Variants in CTNNA3 observed in about 807,000 individuals in gnomAD.
CTNNA3 encodes catenin alpha-3.
In CTNNA3, 76 loss-of-function variants were observed where a neutral mutation model predicts 95.7. That is an observed-to-expected ratio of 0.79 (90% CI 0.66 to 0.96). CTNNA3 has a LOEUF of 0.96. CTNNA3 is among the 40% of genes least tolerant of loss of function. The pLI, the probability that CTNNA3 is intolerant of heterozygous loss-of-function variation, is 0.00. For missense variants in CTNNA3, 1,191 were observed against 1,089.8 expected, an observed-to-expected ratio of 1.09 and a Z score of -1.31; for synonymous variants, 431 against 374.4, an observed-to-expected ratio of 1.15 and a Z score of -1.74.
intron 9 of CTNNA3, among the ~76,000 whole-genome samples, chr10:66,721,213 A>C (rs1848618749): frequency 6.6e-6 from 1 of 152,178 alleles, no homozygotes; most frequent in Non-Finnish European, 1.5e-5. Context: ...CATTTTCTGG[A>C]AGATGACTGA....
intron 7 of CTNNA3, among the ~76,000 whole-genome samples, chr10:66,937,444 T>G (rs1404480026): frequency 6.6e-6 from 1 of 152,212 alleles, no homozygotes; most frequent in African/African-American, 2.4e-5. Context: ...TACTTTCTCC[T>G]TCCCTTCATT....
chr10:66,238,043 T>C lies in CTNNA3; in HGVS notation c.1884+42427A>G, dbSNP rs1015370724. 5.9e-5 allele frequency among the ~76,000 whole-genome samples: 9 copies of C among 152,194 alleles called. No homozygotes were observed. The East Asian group carries it at 9.6e-4, about 16-fold the overall frequency. On this transcript the variant is annotated intron_variant, in intron 13 of 17. Coordinates refer to ENST00000433211, the MANE Select transcript of CTNNA3 (RefSeq NM_013266.4). Reference sequence around the variant, plus strand: ...TATAAAATAATCAAATTCATGCTACTTGAAGGAAAAGACAAGTCCATATTT... The same window carrying C: ...TATAAAATAATCAAATTCATGCTACCTGAAGGAAAAGACAAGTCCATATTT...
intron 1 of CTNNA3, among the ~76,000 whole-genome samples, chr10:67,651,519 A>C (rs999848824): frequency 1.3e-5 from 2 of 152,172 alleles, no homozygotes; most frequent in African/African-American, 4.8e-5. Context: ...ATTCCCTATT[A>C]AGTCATTAAA....
intron 11 of CTNNA3, among the ~76,000 whole-genome samples, chr10:66,474,316 T>C (rs1406943056): frequency 6.6e-6 from 1 of 152,108 alleles, no homozygotes; most frequent in Non-Finnish European, 1.5e-5. Flanking sequence ...GTATTTGTCT[T>C]TCTGTGACTG....
At chr10:67,699,002 T>C (rs1841011599), upstream of CTNNA3, among the ~76,000 whole-genome samples, 1 of 152,052 alleles carries the variant, frequency 6.6e-6, no homozygotes, top group East Asian at 1.9e-4. Flanking sequence ...ACACCGAGCC[T>C]CATCTTCTCT....
intron 11 of CTNNA3, among the ~76,000 whole-genome samples, chr10:66,425,488 C>G (rs564354945): frequency 6.6e-6 from 1 of 151,748 alleles, no homozygotes; most frequent in African/African-American, 2.4e-5. Context: ...CACTCAGATA[C>G]GCATAATTTC....
chr10:66,132,369 CA>C (rs1461860346), intron 13 of CTNNA3, among the ~76,000 whole-genome samples: 2 of 152,060 alleles, frequency 1.3e-5, no homozygotes, highest in African/African-American at 4.8e-5. Flanking sequence ...TCACACCAGT[CA>C]AAATGGCTAT....
chr10:67,123,107 TATGTA>T (rs1228093231), intron 7 of CTNNA3, among the ~76,000 whole-genome samples: 2 of 152,104 alleles, frequency 1.3e-5, no homozygotes, highest in East Asian at 3.9e-4. Context: ...GTGCAGCCCA[TATGTA>T]ATGAAGAAAC....
At chr10:67,097,748 A>T (rs756541258) in intron 7 of CTNNA3, 2 of 1,612,614 alleles carry the variant, frequency 1.2e-6, no homozygotes, top group South Asian at 2.2e-5. Context: ...ACCTGAGCAC[A>T]ATCACAACAG....
At chr10:67,480,033 G>A (rs376309056) in intron 5 of CTNNA3, among the ~76,000 whole-genome samples, 21 of 152,028 alleles carry the variant, frequency 1.4e-4, no homozygotes, top group Middle Eastern at 3.4e-3. Flanking sequence ...GATTGAATCG[G>A]GAAGAGATTG....
chr10:66,586,771 C>G (rs1475086467), intron 10 of CTNNA3, among the ~76,000 whole-genome samples: 4 of 152,094 alleles, frequency 2.6e-5, no homozygotes, highest in Admixed American at 6.6e-5. Flanking sequence ...CCCCACTGAG[C>G]CCAGCACTGC....
intron 7 of CTNNA3, among the ~76,000 whole-genome samples, chr10:66,978,465 T>G (rs1238212733): frequency 2.9e-5 from 4 of 138,434 alleles, no homozygotes; most frequent in Non-Finnish European, 6.0e-5. Context: ...AGGCGGAGGT[T>G]GCAGTGAGTC....
chr10:65,957,838 T>C (rs533080450), intron 17 of CTNNA3, among the ~76,000 whole-genome samples: 1 of 152,302 alleles, frequency 6.6e-6, no homozygotes, highest in Admixed American at 6.5e-5. Flanking sequence ...ATTTCAACTT[T>C]GGTGAATCTG....
chr10:66,236,489 C>A (rs1037985), intron 13 of CTNNA3, among the ~76,000 whole-genome samples: 67,822 of 151,966 alleles, frequency 0.45, 15,514 homozygotes, highest in Admixed American at 0.55. Context: ...AGCACAATTT[C>A]TTCTTTTTAG....
chr10:67,213,504 G>A (rs1864226684), intron 6 of CTNNA3, among the ~76,000 whole-genome samples: 1 of 151,210 alleles, frequency 6.6e-6, no homozygotes, highest in Non-Finnish European at 1.5e-5. Flanking sequence ...TATATTGTCT[G>A]TTTCAAACTC....
intron 11 of CTNNA3, among the ~76,000 whole-genome samples, chr10:66,393,285 A>C (rs988526839): frequency 4.6e-5 from 7 of 152,096 alleles, no homozygotes; most frequent in African/African-American, 2.4e-5. Context: ...GTAATACTGC[A>C]GTGGTGAATA....
At chr10:66,222,343 A>C (rs1265011596) in intron 13 of CTNNA3, among the ~76,000 whole-genome samples, 1 of 152,224 alleles carries the variant, frequency 6.6e-6, no homozygotes, top group Non-Finnish European at 1.5e-5. Flanking sequence ...GCCATTGCTC[A>C]TGCAAATGTC....
chr10:66,826,738 T>C (rs1363828083), intron 7 of CTNNA3, among the ~76,000 whole-genome samples: 2 of 152,212 alleles, frequency 1.3e-5, no homozygotes, highest in East Asian at 1.9e-4. Context: ...ACTGTGATTG[T>C]ATCCTGGTAA....
chr10:66,084,364 C>T (rs1193904502), intron 14 of CTNNA3, among the ~76,000 whole-genome samples: 1 of 151,754 alleles, frequency 6.6e-6, no homozygotes, highest in Non-Finnish European at 1.5e-5. Flanking sequence ...ATACATACAC[C>T]TATCATGTAT....
Sources: allele counts gnomAD v4.1 joint callset (sites outside exome capture counted in the v4.1 genomes callset), GRCh38; gene constraint gnomAD v4.1.1; transcripts MANE v1.5; gene names NCBI Gene and HGNC (gene_info 2026-07-23, HGNC 2026-07-21).